XPO1: variants seen among roughly 807,000 people sequenced by gnomAD.
XPO1 encodes the protein exportin 1, also known as exportin-1.
In XPO1, 5 loss-of-function variants were observed where a neutral mutation model predicts 133.3. The observed-to-expected ratio is 0.04, with a 90% confidence interval of 0.02 to 0.08. XPO1 has a LOEUF of 0.08. XPO1 is among the 10% of genes least tolerant of loss of function. The probability of loss-of-function intolerance (pLI) is 1.00; values close to 1 mark genes in which losing one functional copy is unlikely to be tolerated. For missense variants in XPO1, 506 were observed against 1,267.5 expected (o/e 0.40, Z 9.12); for synonymous variants, 419 against 408.2 (o/e 1.03, Z -0.32).
chr2:61,503,570 G>A (rs933876839), intron 4 of XPO1, among the ~76,000 whole-genome samples: 2 of 152,036 alleles, frequency 1.3e-5, no homozygotes, highest in Non-Finnish European at 2.9e-5. Context: ...GACTACAGGC[G>A]CCCGCCACCA....
rs959512759 is a variant in XPO1, at chr2:61,478,534, T to C, written c.*286A>G. Reference sequence around the variant, plus strand: ...TACAAGTATATGTTCAAATCGAATTTGCCTCCTCCCCCCAGCCCAGCCACA... The same window carrying C: ...TACAAGTATATGTTCAAATCGAATTCGCCTCCTCCCCCCAGCCCAGCCACA... On this transcript the variant is annotated 3_prime_UTR_variant, in exon 25 of 25. Coordinates refer to ENST00000401558, the MANE Select transcript of XPO1 (RefSeq NM_003400.4). 2.9e-6 allele frequency: 1 copy of C among 346,886 alleles called. No homozygotes were observed. The highest frequency in any genetic ancestry group is 2.1e-5 in the African/African-American group (1 of 47,638). 21.5% of individuals were successfully genotyped at this position (346,886 alleles called of 1,614,324 possible).
chr2:61,504,336 T>C (rs1027852336), intron 4 of XPO1, among the ~76,000 whole-genome samples: 7 of 152,172 alleles, frequency 4.6e-5, no homozygotes, highest in African/African-American at 1.7e-4. Context: ...GGTTCAAGAG[T>C]GTTGCAGAAT....
At chr2:61,504,477 A>G (rs946839074) in intron 4 of XPO1, among the ~76,000 whole-genome samples, 2 of 152,262 alleles carry the variant, frequency 1.3e-5, no homozygotes, top group African/African-American at 4.8e-5. Context: ...AACAATTACA[A>G]ATACTCTCAC....
chr2:61,496,010 G>A (rs1697223222), intron 10 of XPO1, among the ~76,000 whole-genome samples: 1 of 151,958 alleles, frequency 6.6e-6, no homozygotes, highest in African/African-American at 2.4e-5. Context: ...ACACCCTTTT[G>A]CTAATATTAA....
intron 23 of XPO1, among the ~76,000 whole-genome samples, 182 bp from the exon 24 acceptor site, chr2:61,481,463 T>A (rs561363607): frequency 6.6e-6 from 1 of 151,830 alleles, no homozygotes; most frequent in Non-Finnish European, 1.5e-5. Flanking sequence ...AATCAAGAAT[T>A]TTTTTTTAAT....
At chr2:61,482,694 C>A in intron 22 of XPO1, 155 bp from the exon 23 acceptor site, 1 of 808,416 alleles carries the variant, frequency 1.2e-6, no homozygotes, top group South Asian at 2.0e-5. Context: ...CAACCTCTGC[C>A]TCCTCGGTCC....
intron 16 of XPO1, 82 bp downstream of exon 16, chr2:61,491,953 T>C (rs1045473713): frequency 1.4e-6 from 2 of 1,469,040 alleles, no homozygotes; most frequent in Admixed American, 4.1e-5. Flanking sequence ...ATCCAATAGT[T>C]GCCCTCCTAT....
chr2:61,520,882 ATGGCC>A, intron 4 of XPO1, among the ~76,000 whole-genome samples: 1 of 152,292 alleles, frequency 6.6e-6, no homozygotes, highest in South Asian at 2.1e-4. Flanking sequence ...ACGGCAGACC[ATGGCC>A]AAAATTAAAT....
chr2:61,499,912 A>G lies in XPO1; in HGVS notation c.409-18T>C, dbSNP rs1423166271. 3.1e-6 allele frequency: 5 copies of G among 1,597,606 alleles called. No homozygotes were observed. The highest frequency in any genetic ancestry group is 4.3e-6 in the Non-Finnish European group (5 of 1,176,144). On this transcript the variant is annotated intron_variant, in intron 6 of 24. Coordinates refer to ENST00000401558, the MANE Select transcript of XPO1 (RefSeq NM_003400.4). ...TTCAGTATCTAAAACAAGACATGAA[A>G]TGTTAATCGCACTTCATTTCTCAAA... is the stretch of plus-strand genomic sequence containing the variant.
At chr2:61,488,371 T>G in intron 18 of XPO1, 100 bp from the exon 19 acceptor site, 2 of 1,333,178 alleles carry the variant, frequency 1.5e-6, no homozygotes, top group Non-Finnish European at 2.1e-6. Context: ...ATTAAAAAGT[T>G]TAAAGCCAAA....
intron 4 of XPO1, among the ~76,000 whole-genome samples, chr2:61,510,443 A>G (rs947258799): frequency 1.3e-5 from 2 of 152,246 alleles, no homozygotes; most frequent in Admixed American, 1.3e-4. Context: ...ACAGCTAACA[A>G]TAATTCTAAA....
intron 22 of XPO1, 99 bp downstream of exon 22, chr2:61,482,858 C>G (rs999551395): frequency 5.0e-5 from 72 of 1,451,238 alleles, no homozygotes; most frequent in Admixed American, 1.1e-4. Flanking sequence ...CTCCTGACCT[C>G]ATAATCTCCC....
intron 3 of XPO1, among the ~76,000 whole-genome samples, chr2:61,522,898 C>T (rs1322304912): frequency 2.0e-5 from 3 of 152,148 alleles, no homozygotes; most frequent in Non-Finnish European, 2.9e-5. Context: ...CTCTATATAA[C>T]GTCCTGCTGT....
At chr2:61,510,937 C>CAA (rs1163597698) in intron 4 of XPO1, among the ~76,000 whole-genome samples, 52 of 61,060 alleles carry the variant, frequency 8.5e-4, no homozygotes, top group South Asian at 2.1e-3. Context: ...GACCTTATCT[C>CAA]AAAAAAAAAA....
chr2:61,511,145 C>CA (rs1354555770), intron 4 of XPO1, among the ~76,000 whole-genome samples: 1 of 152,014 alleles, frequency 6.6e-6, no homozygotes, highest in African/African-American at 2.4e-5. Flanking sequence ...ATTTTTTAGA[C>CA]AGAGTTTCGT....
chr2:61,488,533 TAGAAG>T (rs1558634507), intron 18 of XPO1, 50 bp downstream of exon 18: 2 of 1,523,716 alleles, frequency 1.3e-6, no homozygotes, highest in East Asian at 2.3e-5. Context: ...CTTAAGGCAG[TAGAAG>T]AGAAGTGGTT....
intron 24 of XPO1, among the ~76,000 whole-genome samples, chr2:61,479,822 C>G (rs993284392): frequency 1.3e-5 from 2 of 152,142 alleles, no homozygotes; most frequent in Admixed American, 6.6e-5. Context: ...CTCGGCCTCC[C>G]AAAGTGCTAG....
rs1698748578 is a variant in XPO1 at position 61,522,595 on chromosome 2, T to A, written c.301+16A>T. 6.2e-7 allele frequency: 1 copy of A among 1,606,100 alleles called. No individual in the cohort carries two copies. Among genetic ancestry groups the A allele is most frequent in the Non-Finnish European group, 8.5e-7 (1 of 1,174,328 alleles). ...GAAAAACAAAACTCTGAATTTATAA[T>A]TCTTTATTTTCCTACCTTCGCACTG... is the stretch of plus-strand genomic sequence containing the variant. On this transcript the variant is annotated intron_variant, in intron 4 of 24. Transcript: ENST00000401558.
At chr2:61,511,695 GGCCT>G (rs1316096787) in intron 4 of XPO1, among the ~76,000 whole-genome samples, 1 of 152,126 alleles carries the variant, frequency 6.6e-6, no homozygotes, top group Non-Finnish European at 1.5e-5. Context: ...CACTGTGCCT[GGCCT>G]GCCTTGTTTT....
Sources: gnomAD v4.1 joint callset for allele counts (sites outside exome capture counted in the v4.1 genomes callset) on GRCh38, gnomAD v4.1.1 for gene constraint, MANE v1.5 for transcripts, NCBI Gene and HGNC (gene_info 2026-07-23, HGNC 2026-07-21) for gene names.